PTPRT: variants seen among roughly 807,000 people sequenced by gnomAD.
The protein encoded by PTPRT is receptor-type tyrosine-protein phosphatase T.
Under a neutral mutation model 176.8 loss-of-function variants are expected in PTPRT, and 56 were observed. The observed-to-expected ratio is 0.32, with a 90% CI of 0.26 to 0.40. PTPRT has a LOEUF of 0.40. Among genes scored for constraint, PTPRT ranks in the 10% least tolerant of loss-of-function variants. The pLI is 1.00. For missense variants in PTPRT, 1,540 were observed against 1,908.2 expected (o/e 0.81, Z 3.60); for synonymous variants, 783 against 739.0 (o/e 1.06, Z -0.96).
At chr20:42,658,958 T>C (rs570768363) in intron 7 of PTPRT, among the ~76,000 whole-genome samples, 1 of 152,204 alleles carries the variant, frequency 6.6e-6, no homozygotes, top group Non-Finnish European at 1.5e-5. Context: ...CTGTCTGTAT[T>C]AAGAAAAGTA....
At chr20:42,336,265 T>A (rs2058038175) in intron 11 of PTPRT, among the ~76,000 whole-genome samples, 1 of 152,284 alleles carries the variant, frequency 6.6e-6, no homozygotes, top group East Asian at 1.9e-4. Flanking sequence ...AGGGAGGTAT[T>A]GGATGATTTA....
chr20:42,616,740 G>A (rs1464908883), intron 7 of PTPRT, among the ~76,000 whole-genome samples: 8 of 123,122 alleles, frequency 6.5e-5, no homozygotes, highest in South Asian at 2.6e-4. Context: ...CTCTCTGTTT[G>A]TCTGTTGTTG....
intron 15 of PTPRT, among the ~76,000 whole-genome samples, chr20:42,235,591 T>C (rs1216086181): frequency 1.3e-5 from 2 of 152,126 alleles, no homozygotes; most frequent in African/African-American, 4.8e-5. Context: ...ATAATCACTT[T>C]TTTTTAGCAA....
At chr20:42,971,729 G>A (rs933395834) in intron 1 of PTPRT, among the ~76,000 whole-genome samples, 2 of 152,092 alleles carry the variant, frequency 1.3e-5, no homozygotes, top group African/African-American at 2.4e-5. Context: ...GCACAGGATC[G>A]CCAACACACA....
At chr20:42,418,235 A>G (rs975288129) in intron 9 of PTPRT, among the ~76,000 whole-genome samples, 2 of 152,226 alleles carry the variant, frequency 1.3e-5, no homozygotes, top group African/African-American at 4.8e-5. Context: ...TTTGGATTAC[A>G]TATTACTAAA....
Position 42,770,209 on chromosome 20 carries a change from G to A in PTPRT, c.684+1226C>T, listed in dbSNP as rs150646150. On this transcript the variant is annotated intron_variant, in intron 5 of 30. Transcript: ENST00000373187. The stretch of plus-strand genomic sequence containing the variant: ...GCGATCTCAGTTCACTGCAACCTCC[G>A]CCTCCTGGGTTCAAGTGATTCTCCT... Among the ~76,000 whole-genome samples the A allele has an allele frequency of 6.6e-3, 1,008 of 152,194 alleles. 3 individuals are homozygous for A. Among genetic ancestry groups the A allele is most frequent in the Non-Finnish European group, 0.011 (755 of 68,008 alleles).
chr20:42,326,206 A>T (rs963393724), intron 11 of PTPRT, among the ~76,000 whole-genome samples: 4 of 152,188 alleles, frequency 2.6e-5, no homozygotes, highest in African/African-American at 9.6e-5. Flanking sequence ...ATTTGGGTAG[A>T]TAACCTTGAT....
chr20:42,553,479 T>G (rs2072804228), intron 7 of PTPRT, among the ~76,000 whole-genome samples: 1 of 152,118 alleles, frequency 6.6e-6, no homozygotes, highest in South Asian at 2.1e-4. Flanking sequence ...CCTTTCTCCT[T>G]TCCCCCAACA....
At chr20:42,363,692 A>G (rs930304314) in intron 9 of PTPRT, among the ~76,000 whole-genome samples, 3 of 152,052 alleles carry the variant, frequency 2.0e-5, no homozygotes, top group Non-Finnish European at 4.4e-5. Context: ...CTTTCCACAC[A>G]TTACTCGTTT....
chr20:42,829,358 C>T (rs1237895744), intron 2 of PTPRT, among the ~76,000 whole-genome samples: 3 of 152,134 alleles, frequency 2.0e-5, no homozygotes, highest in Non-Finnish European at 2.9e-5. Flanking sequence ...AGGGACTCAC[C>T]TCATCTCAGA....
chr20:43,155,636 T>C (rs1403723497), intron 1 of PTPRT, among the ~76,000 whole-genome samples: 4 of 152,190 alleles, frequency 2.6e-5, no homozygotes, highest in Non-Finnish European at 5.9e-5. Context: ...TAGTTAATGA[T>C]GATAAATTGT....
chr20:42,103,377 C>T (rs986470792), intron 25 of PTPRT, among the ~76,000 whole-genome samples: 86 of 152,312 alleles, frequency 5.6e-4, no homozygotes, highest in African/African-American at 2.0e-3. Flanking sequence ...TATGTCTGGG[C>T]CAGGTCCGAG....
intron 1 of PTPRT, among the ~76,000 whole-genome samples, chr20:43,121,540 A>G (rs187768244): frequency 5.9e-5 from 9 of 152,310 alleles, no homozygotes; most frequent in Non-Finnish European, 1.2e-4. Flanking sequence ...ATATCAGTGT[A>G]GTTTTTATTT....
chr20:42,804,310 A>G (rs1229862190), intron 2 of PTPRT, among the ~76,000 whole-genome samples: 2 of 152,018 alleles, frequency 1.3e-5, no homozygotes, highest in African/African-American at 4.8e-5. Context: ...TTTTTGTACC[A>G]AAATGCACTT....
At chr20:42,058,084 A>T in the PTPRT span, among the ~76,000 whole-genome samples, 1 of 152,158 alleles carries the variant, frequency 6.6e-6, no homozygotes, top group South Asian at 2.1e-4. Flanking sequence ...TACCTGAGAC[A>T]GGGGCTTCCT....
intron 1 of PTPRT, among the ~76,000 whole-genome samples, chr20:43,050,386 T>C (rs79440447): frequency 3.3e-5 from 5 of 152,182 alleles, no homozygotes; most frequent in Non-Finnish European, 5.9e-5. Context: ...GACAAAGGTC[T>C]GGCCAGCTTA....
chr20:42,361,466 A>G (rs2058431119), intron 9 of PTPRT, among the ~76,000 whole-genome samples: 1 of 151,914 alleles, frequency 6.6e-6, no homozygotes, highest in South Asian at 2.1e-4. Flanking sequence ...AATGTAGGGG[A>G]TGTGATATTT....
intron 1 of PTPRT, among the ~76,000 whole-genome samples, chr20:43,083,356 AT>A (rs1385587698): frequency 0.011 from 1,400 of 131,294 alleles, 107 homozygotes; most frequent in African/African-American, 0.037. Flanking sequence ...ATATATATAT[AT>A]ATATATATAT....
intron 1 of PTPRT, among the ~76,000 whole-genome samples, chr20:43,153,446 CT>C (rs2014425359): frequency 6.6e-6 from 1 of 152,082 alleles, no homozygotes; most frequent in Non-Finnish European, 1.5e-5. Flanking sequence ...TATGTTTACC[CT>C]TTTATTCCAA....
Sources: allele counts gnomAD v4.1 joint callset (sites outside exome capture counted in the v4.1 genomes callset), GRCh38; gene constraint gnomAD v4.1.1; transcripts MANE v1.5; gene names NCBI Gene and HGNC (gene_info 2026-07-23, HGNC 2026-07-21).